Variants in TRAPPC9 observed in about 807,000 individuals in gnomAD.
The protein encoded by TRAPPC9 is IKK2 binding protein.
TRAPPC9 carries 83 observed loss-of-function variants against 124.0 expected under a neutral mutation model. The observed-to-expected ratio is 0.67, with a 90% CI of 0.56 to 0.80. TRAPPC9 has a LOEUF of 0.80. TRAPPC9 is among the 30% of genes least tolerant of loss of function. The pLI is 0.00. For missense variants in TRAPPC9, 1,302 were observed against 1,508.3 expected (o/e 0.86, Z 2.27); for synonymous variants, 638 against 617.5 (o/e 1.03, Z -0.49).
chr8:140,193,855 A>T (rs1196461857), intron 17 of TRAPPC9, among the ~76,000 whole-genome samples: 1 of 152,218 alleles, frequency 6.6e-6, no homozygotes, highest in African/African-American at 2.4e-5. Flanking sequence ...AATGACTAGC[A>T]ATGCATGCAA....
intron 21 of TRAPPC9, among the ~76,000 whole-genome samples, chr8:139,873,259 C>CCAGCCT (rs1829119146): frequency 6.6e-6 from 1 of 152,080 alleles, no homozygotes; most frequent in Non-Finnish European, 1.5e-5. Flanking sequence ...TCAGCATCTC[C>CCAGCCT]CAGCCTCATT....
intron 8 of TRAPPC9, among the ~76,000 whole-genome samples, chr8:140,369,884 G>C (rs1310626246): frequency 6.6e-6 from 1 of 152,068 alleles, no homozygotes; most frequent in Non-Finnish European, 1.5e-5. Context: ...CCCAGGAGTT[G>C]GAGGCTGCAG....
chr8:139,927,016 A>G (rs999373757), intron 19 of TRAPPC9, among the ~76,000 whole-genome samples: 1 of 152,248 alleles, frequency 6.6e-6, no homozygotes, highest in Non-Finnish European at 1.5e-5. Flanking sequence ...TTAAATAGAC[A>G]TTTCATCAAA....
intron 17 of TRAPPC9, among the ~76,000 whole-genome samples, chr8:140,126,481 A>G (rs1440704112): frequency 1.3e-5 from 2 of 152,226 alleles, no homozygotes; most frequent in Non-Finnish European, 2.9e-5. Flanking sequence ...CGAGAAGTTC[A>G]TCAGACACTC....
chr8:140,333,407 G>C (rs1035143581), intron 9 of TRAPPC9, among the ~76,000 whole-genome samples: 4 of 152,078 alleles, frequency 2.6e-5, no homozygotes, highest in Non-Finnish European at 5.9e-5. Flanking sequence ...TGTTGTTGTT[G>C]TTGAGACGGA....
At chr8:140,267,672 G>A (rs896464763) in intron 15 of TRAPPC9, among the ~76,000 whole-genome samples, 1 of 152,036 alleles carries the variant, frequency 6.6e-6, no homozygotes, top group Non-Finnish European at 1.5e-5. Context: ...CGTTGTTGTT[G>A]TTGTTGTTGT....
chr8:140,084,824 G>T (rs1307723426), intron 17 of TRAPPC9, among the ~76,000 whole-genome samples: 3 of 152,224 alleles, frequency 2.0e-5, no homozygotes, highest in African/African-American at 7.2e-5. Context: ...CCAAGCATGA[G>T]TAAGTGCCAG....
At chr8:139,753,841 G>C (rs768360688) in intron 21 of TRAPPC9, among the ~76,000 whole-genome samples, 7 of 152,160 alleles carry the variant, frequency 4.6e-5, no homozygotes, top group Non-Finnish European at 8.8e-5. Flanking sequence ...ATGCTGCTGG[G>C]CAATGCCACC....
At chr8:140,248,782 A>T (rs2131478710) in intron 16 of TRAPPC9, among the ~76,000 whole-genome samples, 1 of 152,318 alleles carries the variant, frequency 6.6e-6, no homozygotes. Context: ...GACTTCTCTT[A>T]CCCTAGGCTA....
At chr8:139,884,407 A>G (rs985669896) in intron 21 of TRAPPC9, among the ~76,000 whole-genome samples, 13 of 152,284 alleles carry the variant, frequency 8.5e-5, no homozygotes, top group Admixed American at 2.0e-4. Context: ...GGAGGAGCCC[A>G]CCTGCTGCCC....
chr8:140,344,153 A>AC (rs2067270460), intron 9 of TRAPPC9, among the ~76,000 whole-genome samples: 1 of 151,964 alleles, frequency 6.6e-6, no homozygotes, highest in Non-Finnish European at 1.5e-5. Flanking sequence ...TGTAAAGGAG[A>AC]TCCCAGAGAG....
chr8:140,137,521 G>A (rs1344783750), intron 17 of TRAPPC9, among the ~76,000 whole-genome samples: 9 of 152,178 alleles, frequency 5.9e-5, no homozygotes, highest in Admixed American at 2.0e-4. Context: ...ACCGCAGACC[G>A]GCCCTGGGCG....
intron 17 of TRAPPC9, among the ~76,000 whole-genome samples, chr8:140,190,280 ACCCT>A (rs2062460489): frequency 6.6e-6 from 1 of 152,038 alleles, no homozygotes; most frequent in South Asian, 2.1e-4. Flanking sequence ...ACATGGTGAA[ACCCT>A]GTCTCTACTA....
chr8:140,296,264 G>A (rs111599515), intron 11 of TRAPPC9, among the ~76,000 whole-genome samples: 2,157 of 152,214 alleles, frequency 0.014, 17 homozygotes, highest in Middle Eastern at 0.034. Flanking sequence ...CTTTGACAAT[G>A]TCTTTTTATT....
chr8:139,867,291 G>C (rs1165141379), intron 21 of TRAPPC9, among the ~76,000 whole-genome samples: 3 of 152,200 alleles, frequency 2.0e-5, no homozygotes, highest in Admixed American at 2.0e-4. Flanking sequence ...ACAGAAGACA[G>C]CCTGAAGGAG....
chr8:140,272,130 C>CAATGATGATGGTGGCGGTGGCGATGGT (rs1450234909), intron 15 of TRAPPC9, among the ~76,000 whole-genome samples: 1 of 100,382 alleles, frequency 1.0e-5, no homozygotes, highest in African/African-American at 3.4e-5. Flanking sequence ...GTGATGGTGG[C>CAATGATGATGGTGGCGGTGGCGATGGT]GATGGTGATG....
At chr8:140,147,251 G>A (rs2061476735) in intron 17 of TRAPPC9, among the ~76,000 whole-genome samples, 1 of 152,238 alleles carries the variant, frequency 6.6e-6, no homozygotes, top group East Asian at 1.9e-4. Context: ...AAGCCTAAGT[G>A]CTGCCATTGG....
At chr8:139,855,610 C>T (rs1827751547) in intron 21 of TRAPPC9, among the ~76,000 whole-genome samples, 1 of 152,206 alleles carries the variant, frequency 6.6e-6, no homozygotes, top group Admixed American at 6.5e-5. Flanking sequence ...GGGAAGTCCC[C>T]TGTTTACGCT....
intron 21 of TRAPPC9, among the ~76,000 whole-genome samples, chr8:139,865,412 A>G (rs1322996450): frequency 6.6e-6 from 1 of 152,216 alleles, no homozygotes; most frequent in East Asian, 1.9e-4. Context: ...ACAAGCATTT[A>G]CTTTGTACCC....
Sources: gnomAD v4.1 joint callset for allele counts (sites outside exome capture counted in the v4.1 genomes callset) on GRCh38, gnomAD v4.1.1 for gene constraint, MANE v1.5 for transcripts, NCBI Gene and HGNC (gene_info 2026-07-23, HGNC 2026-07-21) for gene names.